Variants in MCM5 observed in about 807,000 individuals in gnomAD.
MCM5 encodes minichromosome maintenance complex component 5, also known as DNA replication licensing factor MCM5.
Under a neutral mutation model 79.9 loss-of-function variants are expected in MCM5, and 46 were observed. The observed-to-expected ratio is 0.58, with a 90% CI of 0.45 to 0.74. MCM5 has a LOEUF of 0.74. Among genes scored for constraint, MCM5 ranks in the 30% least tolerant of loss-of-function variants. The pLI is 0.00. For synonymous variants in MCM5, 404 were observed against 390.5 expected (o/e 1.03, Z -0.41); for missense variants, 883 against 1,017.0 (o/e 0.87, Z 1.79).
At chr22:35,443,849 C>G in the MCM5 span, among the ~76,000 whole-genome samples, 1 of 152,122 alleles carries the variant, frequency 6.6e-6, no homozygotes. Context: ...GTGCAGGCCT[C>G]GGAGGGGGCC....
intron 14 of MCM5, 119 bp from the exon 15 acceptor site, chr22:35,421,199 C>A: frequency 1.1e-6 from 1 of 945,108 alleles, no homozygotes; most frequent in Non-Finnish European, 1.6e-6. Flanking sequence ...TATGGGGACA[C>A]CTAGCAGTCT....
At chr22:35,444,448 G>A in the MCM5 span, among the ~76,000 whole-genome samples, 1 of 152,242 alleles carries the variant, frequency 6.6e-6, no homozygotes, top group Non-Finnish European at 1.5e-5. Flanking sequence ...GGCTGGGGCT[G>A]ATGGAGGAGC....
the MCM5 span, among the ~76,000 whole-genome samples, chr22:35,449,751 C>G: frequency 3.9e-5 from 6 of 152,164 alleles, no homozygotes; most frequent in Non-Finnish European, 8.8e-5. Flanking sequence ...CTTTCTTGGG[C>G]CAAATCCTAC....
At chr22:35,402,896 C>T (rs4645746) in intron 2 of MCM5, among the ~76,000 whole-genome samples, 3,079 of 152,240 alleles carry the variant, frequency 0.02, 132 homozygotes, top group African/African-American at 0.071. Context: ...AAAGGCTCTG[C>T]GGAGTCCTTC....
chr22:35,433,459 C>T, the MCM5 span, among the ~76,000 whole-genome samples: 25,058 of 152,210 alleles, frequency 0.16, 2,628 homozygotes, highest in Admixed American at 0.25. Context: ...AGGGGCTTCC[C>T]CTGGGTCAGA....
chr22:35,441,134 G>A, the MCM5 span, among the ~76,000 whole-genome samples: 7 of 152,306 alleles, frequency 4.6e-5, no homozygotes, highest in South Asian at 1.4e-3. Context: ...GCCCTGCGCA[G>A]GAATGTGCGG....
rs1932414090 is a variant in MCM5, at chr22:35,412,535, C to T, written c.945C>T (p.Ser315=). ...GCCGCAGCTTTGCTGGGGCCGTGAG[C>T]CCCCAGGAGGAGGAGGAGTTCCGTC... ...GSGRSFAGAV[S]PQEEEEFRRL... The change falls in exon 8 of 17, where the codon AGC becomes AGT. Residue 315 remains serine (S), a synonymous_variant. Transcript: ENST00000216122. The T allele has an allele frequency of 6.4e-7, 1 of 1,567,148 alleles. No individual in the cohort carries two copies. Among genetic ancestry groups the T allele is most frequent in the Non-Finnish European group, 8.7e-7 (1 of 1,154,630 alleles).
intron 5 of MCM5, among the ~76,000 whole-genome samples, chr22:35,408,006 A>G (rs1157798605): frequency 6.6e-6 from 1 of 152,182 alleles, no homozygotes; most frequent in Non-Finnish European, 1.5e-5. Flanking sequence ...AGAGGCTTAG[A>G]CCCTCAGAAT....
chr22:35,410,855 C>T lies in MCM5; in HGVS notation c.864C>T (p.Gly288=). ...GGGGCCGTGACAGGGTGGGCGTGGGCATCCGAAGCTCCTACATCCGTGTCC... is the reference window on the plus strand; with the variant it reads ...GGGGCCGTGACAGGGTGGGCGTGGGTATCCGAAGCTCCTACATCCGTGTCC... ...TSRGRDRVGV[G]IRSSYIRVLG... Residue 288 remains glycine (G), a synonymous_variant, in exon 7 of 17, where the codon GGC becomes GGT. Coordinates refer to ENST00000216122, the MANE Select transcript of MCM5 (RefSeq NM_006739.4). 6.2e-7 allele frequency: 1 copy of T among 1,613,404 alleles called. No homozygotes were observed. Among genetic ancestry groups the T allele is most frequent in the South Asian group, 1.1e-5 (1 of 91,034 alleles).
chr22:35,412,506 C>G lies in MCM5; in HGVS notation c.920-4C>G. ...TCACTCATGCGCCTGCTTTGCCTAC[C>G]AAGGCCGCAGCTTTGCTGGGGCCGT... On this transcript the variant is annotated splice_polypyrimidine_tract_variant and splice_region_variant and intron_variant, in intron 7 of 16. Transcript: ENST00000216122. The G allele has an allele frequency of 1.3e-6, 2 of 1,537,790 alleles. No individual in the cohort carries two copies. The highest frequency in any genetic ancestry group is 1.8e-6 in the Non-Finnish European group (2 of 1,140,930).
At chr22:35,411,999 C>T (rs904306283) in intron 7 of MCM5, among the ~76,000 whole-genome samples, 3 of 152,146 alleles carry the variant, frequency 2.0e-5, no homozygotes. Context: ...CTCTCATCCC[C>T]CACATCTAAT....
intron 8 of MCM5, 45 bp from the exon 9 acceptor site, chr22:35,413,830 G>A (rs1932458269): frequency 9.1e-7 from 1 of 1,100,820 alleles, no homozygotes; most frequent in Non-Finnish European, 1.4e-6. Flanking sequence ...CACATGCGAT[G>A]CCCTCATGGA....
intron 5 of MCM5, 149 bp downstream of exon 5, chr22:35,406,874 C>G: frequency 1.3e-6 from 1 of 776,586 alleles, no homozygotes; most frequent in Non-Finnish European, 2.0e-6. Flanking sequence ...TGGCACAGAT[C>G]TGATGCCCTG....
chr22:35,423,726 A>G (rs1932750713), intron 16 of MCM5: 3 of 207,058 alleles, frequency 1.4e-5, no homozygotes, highest in Non-Finnish European at 1.9e-5. Context: ...TGTTGGCCCC[A>G]TAGAGAGAAG....
downstream of MCM5, among the ~76,000 whole-genome samples, chr22:35,430,090 TTG>T (rs71755657): frequency 2.6e-3 from 402 of 152,016 alleles, 8 homozygotes; most frequent in African/African-American, 9.4e-3. Flanking sequence ...TCTGGAAGAG[TTG>T]TGGTCAGGTT....
chr22:35,417,848 C>T lies in MCM5; in HGVS notation c.1695C>T (p.Tyr565=), dbSNP rs766862925. 6 of 1,613,652 alleles carry T rather than the reference C, an allele frequency of 3.7e-6. No homozygotes were observed. In the African/African-American group the frequency reaches 5.3e-5, roughly 14 times the overall value. The change falls in exon 13 of 17, where the codon TAC becomes TAT. Residue 565 remains tyrosine, a synonymous_variant. Coordinates refer to ENST00000216122, the MANE Select transcript of MCM5 (RefSeq NM_006739.4). ...CCAAGCTGAAGAAGTTTATTGCCTA[C>T]TGCCGAGTGTGAGTCCTGGACGCAG... ...DLAKLKKFIA[Y]CRVKCGPRLS...
At chr22:35,408,897 T>C (rs1046476137) in intron 6 of MCM5, among the ~76,000 whole-genome samples, 3 of 152,216 alleles carry the variant, frequency 2.0e-5, no homozygotes, top group Admixed American at 6.5e-5. Flanking sequence ...AGGCCCAGGA[T>C]GCACAGCTAG....
the MCM5 span, among the ~76,000 whole-genome samples, chr22:35,442,057 G>A: frequency 8.7e-6 from 1 of 114,452 alleles, no homozygotes; most frequent in Non-Finnish European, 2.0e-5. Flanking sequence ...AAATCTGATC[G>A]AGCTACTCCC....
At chr22:35,451,293 GCAGAGAAGGTTGCCCAGGCAA>G in the MCM5 span, among the ~76,000 whole-genome samples, 1 of 152,164 alleles carries the variant, frequency 6.6e-6, no homozygotes, top group Non-Finnish European at 1.5e-5. Context: ...GGGAGAACCA[GCAGAGAAGGTTGCCCAGGCAA>G]CGGGAACATT....
Sources: gnomAD v4.1 joint callset for allele counts (sites outside exome capture counted in the v4.1 genomes callset) on GRCh38, gnomAD v4.1.1 for gene constraint, MANE v1.5 for transcripts, NCBI Gene and HGNC (gene_info 2026-07-23, HGNC 2026-07-21) for gene names.